SEMA6D: variants seen among roughly 807,000 people sequenced by gnomAD.
SEMA6D encodes semaphorin 6D, also known as semaphorin-6D.
Under a neutral mutation model 106.6 loss-of-function variants are expected in SEMA6D, and 35 were observed. The observed-to-expected ratio is 0.33, with a 90% confidence interval of 0.25 to 0.44. The LOEUF (loss-of-function observed/expected upper bound fraction) is 0.44, where lower values mean the gene tolerates loss of function less well. SEMA6D is among the 20% of genes least tolerant of loss of function. SEMA6D has a pLI of 1.00. For missense variants in SEMA6D, 1,185 were observed against 1,345.9 expected, an observed-to-expected ratio of 0.88 and a Z score of 1.87; for synonymous variants, 499 against 487.7, an observed-to-expected ratio of 1.02 and a Z score of -0.31.
intron 2 of SEMA6D, among the ~76,000 whole-genome samples, chr15:47,421,672 G>A (rs934422386): frequency 6.6e-6 from 1 of 151,954 alleles, no homozygotes; most frequent in Non-Finnish European, 1.5e-5. Context: ...GTTGGGATGG[G>A]GAGGTATTAG....
At chr15:47,608,422 C>T (rs963993665) in intron 4 of SEMA6D, among the ~76,000 whole-genome samples, 1 of 152,104 alleles carries the variant, frequency 6.6e-6, no homozygotes, top group Non-Finnish European at 1.5e-5. Flanking sequence ...TCCTCCTTAC[C>T]TGTTTTGGTG....
At position 47,550,599 on chromosome 15, in the gene SEMA6D, TTGTCTA is replaced by T. The variant is rs553582476; in HGVS notation, c.-86-50265_-86-50260del. ...CATCTCCATGGCTGATCCCGCCATG[TTGTCTA>T]AGCTTCTTTTCCCCACCTACCCATC... is the stretch of plus-strand genomic sequence containing the variant. On this transcript the variant is annotated intron_variant, in intron 3 of 19. Transcript: ENST00000558014. 2.0e-4 allele frequency among the ~76,000 whole-genome samples: 30 copies of T among 152,272 alleles called. No homozygotes were observed. In the South Asian group the frequency reaches 6.0e-3, roughly 30 times the overall value.
chr15:47,216,612 AAAAC>A (rs2030635379), intron 1 of SEMA6D, among the ~76,000 whole-genome samples: 1 of 152,164 alleles, frequency 6.6e-6, no homozygotes, highest in South Asian at 2.1e-4. Context: ...ATACACAAGA[AAAAC>A]AAAGAGTCAG....
At chr15:47,551,673 C>CTGTGTGTGTGTG (rs3050565) in intron 3 of SEMA6D, among the ~76,000 whole-genome samples, 36,586 of 141,204 alleles carry the variant, frequency 0.26, 5,638 homozygotes, top group East Asian at 0.59. Flanking sequence ...ATCTGGGACT[C>CTGTGTGTGTGTG]TGTGTGTGTG....
intron 3 of SEMA6D, among the ~76,000 whole-genome samples, chr15:47,597,173 T>G (rs2076553501): frequency 1.3e-5 from 2 of 152,034 alleles, no homozygotes; most frequent in Non-Finnish European, 2.9e-5. Flanking sequence ...GAGATATTAC[T>G]TCCCACCTGT....
exon 1 of SEMA6D, chr15:47,184,322 C>A (rs1054572076): frequency 6.6e-6 from 1 of 152,396 alleles, no homozygotes; most frequent in African/African-American, 2.4e-5. Flanking sequence ...AAGTGGAGTC[C>A]CTGCTCTGCG....
At chr15:47,585,930 T>C (rs1008382645) in intron 3 of SEMA6D, among the ~76,000 whole-genome samples, 5 of 152,168 alleles carry the variant, frequency 3.3e-5, no homozygotes, top group African/African-American at 1.2e-4. Context: ...TCCAAAGAGT[T>C]GTTATGATTA....
At position 47,771,777 on chromosome 15, in the gene SEMA6D, A is replaced by G; in HGVS notation, c.3214A>G (p.Thr1072Ala). 1.2e-6 allele frequency: 2 copies of G among 1,612,484 alleles called. No homozygotes were observed. Among genetic ancestry groups the G allele is most frequent in the Non-Finnish European group, 1.7e-6 (2 of 1,179,208 alleles). ...ATCTGTCAGACCACTGAACAAATAC[A>G]CATACTAGGCCTCAAGTGTGCTATT... ...TPSVRPLNKYTY is the reference protein window; with the variant it reads ...TPSVRPLNKYAY The change falls in exon 19 of 19, where the codon ACA becomes GCA. Residue 1072 changes from threonine (T) to alanine (A), a missense_variant. Transcript: ENST00000536845.
chr15:47,706,588 G>A (rs1250811850), intron 4 of SEMA6D, among the ~76,000 whole-genome samples: 2 of 152,050 alleles, frequency 1.3e-5, no homozygotes, highest in East Asian at 3.9e-4. Flanking sequence ...CCTACAGTTC[G>A]CAAATTGAAA....
rs536985 is a variant in SEMA6D, at chr15:47,344,932, T to G, written c.-238-67461T>G. Among the ~76,000 whole-genome samples the G allele has an allele frequency of 4.5e-3, 692 of 152,258 alleles. 4 individuals are homozygous for G. Among genetic ancestry groups the G allele is most frequent in the African/African-American group, 0.016 (662 of 41,562 alleles). On this transcript the variant is annotated intron_variant, in intron 1 of 19. Transcript: ENST00000558014. Reference sequence around the variant, plus strand: ...AGCAATGACTATTTGGAAATTGATATAAAAAGTTAAAGCCATTTAAAATAA... The same window carrying G: ...AGCAATGACTATTTGGAAATTGATAGAAAAAGTTAAAGCCATTTAAAATAA...
intron 1 of SEMA6D, among the ~76,000 whole-genome samples, chr15:47,191,104 C>G (rs2140949047): frequency 6.6e-6 from 1 of 152,098 alleles, no homozygotes; most frequent in African/African-American, 2.4e-5. Flanking sequence ...GGCCTGGGAG[C>G]TTGAGGCTGC....
At chr15:47,217,982 A>G (rs1027510437) in intron 1 of SEMA6D, among the ~76,000 whole-genome samples, 6 of 151,846 alleles carry the variant, frequency 4.0e-5, no homozygotes, top group African/African-American at 9.7e-5. Context: ...TTTGAAGTCT[A>G]TATTAGTGGA....
chr15:47,550,617 C>G (rs569817604), intron 3 of SEMA6D, among the ~76,000 whole-genome samples: 2 of 152,212 alleles, frequency 1.3e-5, no homozygotes, highest in South Asian at 4.1e-4. Flanking sequence ...GCTTCTTTTC[C>G]CCACCTACCC....
At position 47,772,009 on chromosome 15, in the gene SEMA6D, A is replaced by G. The variant is rs2082650378; in HGVS notation, c.*224A>G. 5.6e-6 allele frequency: 3 copies of G among 537,146 alleles called. No individual in the cohort carries two copies. The highest frequency in any genetic ancestry group is 9.9e-6 in the Non-Finnish European group (3 of 303,892). 33.3% of individuals were successfully genotyped at this position (537,146 alleles called of 1,614,324 possible). A position where few individuals can be genotyped will look rare whatever the true frequency, so the allele number is the denominator to read the frequency against. ...AACAAAGGAAGGTGCTGGTCATTCC[A>G]TTTCTTTTGTTTGAAGCTAAAGAGA... is the stretch of plus-strand genomic sequence containing the variant. On this transcript the variant is annotated 3_prime_UTR_variant, in exon 19 of 19. Transcript: ENST00000536845.
In SEMA6D at chr15:47,710,724, C is replaced by T. The variant is rs1456367685; in HGVS notation, c.-54-49021C>T. Among the ~76,000 whole-genome samples the T allele has an allele frequency of 3.9e-5, 6 of 152,284 alleles. No individual in the cohort carries two copies. In the East Asian group the frequency reaches 7.7e-4, roughly 20 times the overall value. ...ATATTGTTAAAAACCTCTAACCAGT[C>T]CTTCTGGACCTTTTTGGATTTTCCA... On this transcript the variant is annotated intron_variant, in intron 4 of 19. Transcript: ENST00000558014.
At chr15:47,691,407 C>A (rs994621729) in intron 4 of SEMA6D, among the ~76,000 whole-genome samples, 3 of 152,110 alleles carry the variant, frequency 2.0e-5, no homozygotes, top group Admixed American at 6.6e-5. Context: ...ATCTTTGTCA[C>A]TGTAGTCAAA....
intron 1 of SEMA6D, among the ~76,000 whole-genome samples, chr15:47,278,645 T>C (rs1474563128): frequency 1.3e-5 from 2 of 152,110 alleles, no homozygotes; most frequent in African/African-American, 4.8e-5. Context: ...ATTTTGGCTT[T>C]TGTTACCATT....
At chr15:47,589,355 G>A (rs958708541) in intron 3 of SEMA6D, among the ~76,000 whole-genome samples, 11 of 152,248 alleles carry the variant, frequency 7.2e-5, no homozygotes, top group African/African-American at 1.7e-4. Flanking sequence ...TGGTAAGGGA[G>A]ATGGGGCAGA....
At chr15:47,539,663 T>C (rs749306441) in intron 3 of SEMA6D, among the ~76,000 whole-genome samples, 20 of 152,060 alleles carry the variant, frequency 1.3e-4, no homozygotes, top group Non-Finnish European at 2.4e-4. Context: ...GACCTCGTGA[T>C]CCACCCACCT....
Sources: gnomAD v4.1 joint callset for allele counts (sites outside exome capture counted in the v4.1 genomes callset) on GRCh38, gnomAD v4.1.1 for gene constraint, MANE v1.5 for transcripts, NCBI Gene and HGNC (gene_info 2026-07-23, HGNC 2026-07-21) for gene names.